The following BIRC6 variants were observed in gnomAD, a reference collection of about 807,000 sequenced individuals.
BIRC6 encodes dual E2 ubiquitin-conjugating enzyme/E3 ubiquitin-protein ligase BIRC6.
A neutral mutation model predicts 503.3 loss-of-function variants in BIRC6; 98 were observed. The ratio of observed to expected loss-of-function variants is 0.19; its 90% CI spans 0.17 to 0.23. The LOEUF (loss-of-function observed/expected upper bound fraction) is 0.23. BIRC6 is among the 10% of genes least tolerant of loss of function. BIRC6 has a pLI of 1.00. For synonymous variants in BIRC6, 2,240 were observed against 2,078.7 expected, an observed-to-expected ratio of 1.08 and a Z score of -2.11; for missense variants, 5,360 against 5,806.0, an observed-to-expected ratio of 0.92 and a Z score of 2.50.
At chr2:32,517,351 C>T (rs1311875004) in intron 55 of BIRC6, among the ~76,000 whole-genome samples, 1 of 152,064 alleles carries the variant, frequency 6.6e-6, no homozygotes, top group East Asian at 1.9e-4. Flanking sequence ...CAACAAAAAC[C>T]TAAACAAAAC....
rs137924524 is a variant in BIRC6, at chr2:32,552,138, C to T, written c.13144+2657C>T. Among the ~76,000 whole-genome samples the T allele has an allele frequency of 5.3e-5, 8 of 152,276 alleles. No individual in the cohort carries two copies. In the East Asian group the frequency reaches 1.5e-3, roughly 29 times the overall value. On this transcript the variant is annotated intron_variant, in intron 65 of 73. Transcript: ENST00000421745. ...TCCTTTCAGTGCAGAGATTGGTCTG[C>T]CATTAATTTTAAATGTCAATTGTGG...
chr2:32,366,173 C>A (rs2034903147), intron 1 of BIRC6, among the ~76,000 whole-genome samples: 1 of 152,154 alleles, frequency 6.6e-6, no homozygotes, highest in Non-Finnish European at 1.5e-5. Context: ...GCCCAGCCAG[C>A]AATTTTAATT....
Position 32,544,274 on chromosome 2 carries a change from G to A in BIRC6, c.12592+733G>A, listed in dbSNP as rs76272391. ...TTGAATATAGTTTTTTTCAGAAAAT[G>A]AATCTGGTAGCAATACTTAGATTAA... On this transcript the variant is annotated intron_variant, in intron 62 of 73. Transcript: ENST00000421745. Among the ~76,000 whole-genome samples, 1,023 of 152,152 alleles carry A rather than the reference G, an allele frequency of 6.7e-3. 13 individuals carry two copies. The highest frequency in any genetic ancestry group is 0.024 in the African/African-American group (991 of 41,546).
chr2:32,481,090 AACTT>A (rs999413922), intron 37 of BIRC6, among the ~76,000 whole-genome samples: 4 of 152,180 alleles, frequency 2.6e-5, no homozygotes, highest in Non-Finnish European at 4.4e-5. Flanking sequence ...AAGTTTATGC[AACTT>A]ACTTCAATAA....
At chr2:32,482,658 GAGA>G in intron 39 of BIRC6, 76 bp downstream of exon 39, 1 of 1,511,498 alleles carries the variant, frequency 6.6e-7, no homozygotes, top group Admixed American at 1.9e-5. Context: ...TTTGTCCCTT[GAGA>G]AGTTGAGCCT....
At chr2:32,599,155 C>G (rs2061878559) in intron 69 of BIRC6, among the ~76,000 whole-genome samples, 2 of 151,130 alleles carry the variant, frequency 1.3e-5, no homozygotes, top group African/African-American at 4.9e-5. Context: ...GTGGTGAAAC[C>G]TCATCTCTAC....
Position 32,618,093 on chromosome 2 carries a change from C to A in BIRC6, c.*189C>A. ...GTACAGGAGTGTAAACTTTTTTGTG[C>A]TTTTATTTTTCAATTGTGAGAACCA... On this transcript the variant is annotated 3_prime_UTR_variant, in exon 74 of 74. Coordinates refer to ENST00000421745, the MANE Select transcript of BIRC6 (RefSeq NM_016252.4). 1 of 492,250 alleles carries A rather than the reference C, an allele frequency of 2.0e-6. No individual in the cohort carries two copies. Among genetic ancestry groups the A allele is most frequent in the Non-Finnish European group, 3.3e-6 (1 of 300,544 alleles). 30.5% of individuals were successfully genotyped at this position (492,250 alleles called of 1,614,324 possible). A position where few individuals can be genotyped will look rare whatever the true frequency, so the allele number is the denominator to read the frequency against.
intron 45 of BIRC6, among the ~76,000 whole-genome samples, chr2:32,498,284 C>T (rs896618809): frequency 3.3e-5 from 5 of 152,070 alleles, no homozygotes; most frequent in East Asian, 3.9e-4. Flanking sequence ...AGGGTAGTCT[C>T]GAACTCCTGA....
Position 32,415,921 on chromosome 2 carries a change from C to G in BIRC6, c.2630C>G (p.Pro877Arg). The change falls in exon 10 of 74, where the codon CCT becomes CGT. Residue 877 changes from proline (P) to arginine (R), a missense_variant. Pro to Arg is a moderately radical substitution (Grantham distance 103, BLOSUM62 -2). This residue lies in a region of BIRC6 where 700 missense variants were observed against 739.3 expected (regional missense o/e 0.95). Coordinates refer to ENST00000421745, the MANE Select transcript of BIRC6 (RefSeq NM_016252.4). ...LDNREDDCEEPIEDMQLTSKN... is the reference protein window; with the variant it reads ...LDNREDDCEERIEDMQLTSKN... ...AATCGAGAGGATGACTGTGAGGAAC[C>G]TATTGAGGACATGCAGTTAACCTCA... The G allele has an allele frequency of 6.2e-7, 1 of 1,613,962 alleles. No homozygotes were observed.
chr2:32,357,957 A>G lies in BIRC6; in HGVS notation c.325+471A>G, dbSNP rs1321820150. Among the ~76,000 whole-genome samples the G allele has an allele frequency of 1.4e-5, 2 of 147,126 alleles. No homozygotes were observed. Among genetic ancestry groups the G allele is most frequent in the African/African-American group, 5.0e-5 (2 of 39,780 alleles). ...GCAACCAAGCCCTCCCTTGTGGGAG[A>G]GGAGCCGGCAGTCTGCTGTTCTCAG... is the stretch of plus-strand genomic sequence containing the variant. On this transcript the variant is annotated intron_variant, in intron 1 of 73. Transcript: ENST00000421745. This position sits in a 1 kb window ranked among gnomAD's most constrained non-coding sequence, Gnocchi z 4.9.
Position 32,453,805 on chromosome 2 carries a change from T to C in BIRC6, c.4619-3T>C. 6.2e-7 allele frequency: 1 copy of C among 1,611,092 alleles called. No individual in the cohort carries two copies. Among genetic ancestry groups the C allele is most frequent in the South Asian group, 1.1e-5 (1 of 90,306 alleles). The stretch of plus-strand genomic sequence containing the variant: ...TGTTATAAAACTTGTCTTTTGCCAT[T>C]AGGAAATGGAAAGGTCAGTAGTTGC... On this transcript the variant is annotated splice_polypyrimidine_tract_variant and splice_region_variant and intron_variant, in intron 22 of 73. Coordinates refer to ENST00000421745, the MANE Select transcript of BIRC6 (RefSeq NM_016252.4).
chr2:32,500,119 G>T lies in BIRC6; in HGVS notation c.9031+10G>T. 6.3e-7 allele frequency: 1 copy of T among 1,578,740 alleles called. No homozygotes were observed. Among genetic ancestry groups the T allele is most frequent in the Non-Finnish European group, 8.6e-7 (1 of 1,160,050 alleles). ...ATGGCAATGATAATTGGTATGTATT[G>T]AGAATATTAATCTTACCATTGTCTC... On this transcript the variant is annotated intron_variant, in intron 46 of 73. Transcript: ENST00000421745.
chr2:32,509,925 A>G lies in BIRC6; in HGVS notation c.10168A>G (p.Thr3390Ala), dbSNP rs2054224558. 7 of 1,613,920 alleles carry G rather than the reference A, an allele frequency of 4.3e-6. No homozygotes were observed. The highest frequency in any genetic ancestry group is 5.9e-6 in the Non-Finnish European group (7 of 1,179,898). ...VVLVKIGLQS[T>A]RIGLKLIDIL... ...GCTTGTAAAGATAGGACTGCAGTCT[A>G]CTAGAATTGGCCTGAAGCTCATAGA... Residue 3390 changes from threonine (T) to alanine (A), a missense_variant, in exon 52 of 74, where the codon ACT (threonine) becomes GCT (alanine). By Grantham distance (58) the Thr-to-Ala change is moderately conservative. Transcript: ENST00000421745.
At chr2:32,394,199 G>C (rs1181433631) in intron 5 of BIRC6, among the ~76,000 whole-genome samples, 1 of 147,824 alleles carries the variant, frequency 6.8e-6, no homozygotes, top group Admixed American at 6.8e-5. Flanking sequence ...ATTATATTCT[G>C]TCTTTGCAGA....
At chr2:32,541,858 AC>A in intron 61 of BIRC6, among the ~76,000 whole-genome samples, 1 of 152,288 alleles carries the variant, frequency 6.6e-6, no homozygotes, top group South Asian at 2.1e-4. Context: ...ATACAGTTAT[AC>A]AAATCAGAAG....
intron 49 of BIRC6, among the ~76,000 whole-genome samples, chr2:32,504,034 T>TGTGTGTGTGTGTGTGTG (rs2053513911): frequency 1.3e-5 from 1 of 78,228 alleles, no homozygotes; most frequent in Non-Finnish European, 2.3e-5. Flanking sequence ...GGGGGGGTGT[T>TGTGTGTGTGTGTGTGTG]TGTGTGTGTG....
chr2:32,393,964 A>G (rs1239854662), intron 5 of BIRC6, among the ~76,000 whole-genome samples: 2 of 150,446 alleles, frequency 1.3e-5, no homozygotes, highest in Admixed American at 6.6e-5. Context: ...ATATATATAT[A>G]TATATGAATA....
chr2:32,562,008 C>T (rs573286562), intron 65 of BIRC6, among the ~76,000 whole-genome samples: 1 of 152,082 alleles, frequency 6.6e-6, no homozygotes, highest in South Asian at 2.1e-4. Context: ...TGCCATTGCA[C>T]TCCAGCCTGA....
chr2:32,537,156 T>G (rs1399437372), intron 61 of BIRC6, among the ~76,000 whole-genome samples: 2 of 152,150 alleles, frequency 1.3e-5, no homozygotes, highest in Non-Finnish European at 2.9e-5. Flanking sequence ...AAGGAGATTT[T>G]GGGCTGAGAC....
Sources: allele counts gnomAD v4.1 joint callset (sites outside exome capture counted in the v4.1 genomes callset), GRCh38; gene constraint gnomAD v4.1.1; regional missense constraint gnomAD v4.1.1; non-coding constraint Gnocchi (gnomAD v3.1); transcripts MANE v1.5; gene names NCBI Gene and HGNC (gene_info 2026-07-23, HGNC 2026-07-21).